Variants in KIAA1328 observed in about 807,000 individuals in gnomAD.
KIAA1328 encodes the protein KIAA1328.
KIAA1328 carries 52 observed loss-of-function variants against 68.1 expected under a neutral mutation model. That is an observed-to-expected ratio of 0.76 (90% CI 0.61 to 0.96). The LOEUF (loss-of-function observed/expected upper bound fraction) is 0.96, where lower values mean the gene tolerates loss of function less well. Among genes scored for constraint, KIAA1328 ranks in the 40% least tolerant of loss-of-function variants. The pLI, the probability that KIAA1328 is intolerant of heterozygous loss-of-function variation, is 0.00. For missense variants in KIAA1328, 641 were observed against 677.6 expected, an observed-to-expected ratio of 0.95 and a Z score of 0.60; for synonymous variants, 232 against 239.4, an observed-to-expected ratio of 0.97 and a Z score of 0.28.
intron 6 of KIAA1328, among the ~76,000 whole-genome samples, chr18:37,065,552 A>T (rs1556870416): frequency 6.6e-6 from 1 of 152,188 alleles, no homozygotes; most frequent in Non-Finnish European, 1.5e-5. Flanking sequence ...TTGGACTTGG[A>T]GGCCCTTTTT....
chr18:37,006,790 T>G (rs1372455969), intron 6 of KIAA1328, among the ~76,000 whole-genome samples: 1 of 152,142 alleles, frequency 6.6e-6, no homozygotes. Context: ...ACCTTCATTT[T>G]AAGAGGCAAT....
At chr18:37,190,751 A>G (rs1010000202) in intron 9 of KIAA1328, among the ~76,000 whole-genome samples, 1 of 152,156 alleles carries the variant, frequency 6.6e-6, no homozygotes, top group African/African-American at 2.4e-5. Flanking sequence ...TTTTGACCCA[A>G]ACAAGGGATG....
At chr18:37,213,967 A>C (rs1178794646) in intron 9 of KIAA1328, among the ~76,000 whole-genome samples, 1 of 152,180 alleles carries the variant, frequency 6.6e-6, no homozygotes, top group Admixed American at 6.5e-5. Flanking sequence ...GTGTCTGTTC[A>C]TATCCTTTGC....
intron 7 of KIAA1328, among the ~76,000 whole-genome samples, chr18:37,082,106 A>G (rs1599198481): frequency 6.6e-6 from 1 of 150,448 alleles, no homozygotes; most frequent in Admixed American, 6.6e-5. Context: ...CGCTTTTTAT[A>G]TATATATACT....
At chr18:36,914,686 C>T (rs1247373288) in intron 5 of KIAA1328, among the ~76,000 whole-genome samples, 2 of 152,094 alleles carry the variant, frequency 1.3e-5, no homozygotes, top group African/African-American at 2.4e-5. Flanking sequence ...TGCCACTGCA[C>T]TCCAGCCTGG....
At chr18:37,107,625 G>GT (rs1487023819) in intron 7 of KIAA1328, among the ~76,000 whole-genome samples, 1 of 152,134 alleles carries the variant, frequency 6.6e-6, no homozygotes, top group Non-Finnish European at 1.5e-5. Context: ...TGTGGCTATT[G>GT]TAAGTGGGAT....
intron 7 of KIAA1328, among the ~76,000 whole-genome samples, chr18:37,106,697 C>T (rs1331849320): frequency 1.3e-5 from 2 of 152,238 alleles, no homozygotes; most frequent in African/African-American, 2.4e-5. Flanking sequence ...CAGGCATAAG[C>T]CACTGCACCT....
intron 5 of KIAA1328, among the ~76,000 whole-genome samples, chr18:36,949,154 C>T (rs916091040): frequency 1.3e-5 from 2 of 152,048 alleles, no homozygotes; most frequent in Non-Finnish European, 2.9e-5. Flanking sequence ...TCTTGTAACC[C>T]ATGAAAGGCT....
At chr18:37,115,372 A>G (rs928918734) in intron 7 of KIAA1328, among the ~76,000 whole-genome samples, 1 of 152,222 alleles carries the variant, frequency 6.6e-6, no homozygotes, top group Non-Finnish European at 1.5e-5. Context: ...ACACAAATCA[A>G]TAAACGTAAT....
intron 1 of KIAA1328, chr18:36,829,566 T>C: frequency 1.9e-6 from 1 of 539,470 alleles, no homozygotes. Flanking sequence ...TAGCTCGAAG[T>C]TGAGGGAGGA....
At position 37,076,215 on chromosome 18, in the gene KIAA1328, A is replaced by C. The variant is rs572614250; in HGVS notation, c.1232+8670A>C. The stretch of plus-strand genomic sequence containing the variant: ...CACTCAACTACATGGAAACTGAACA[A>C]CCTGCTCCTGAATGACTACTGGGTA... On this transcript the variant is annotated intron_variant, in intron 7 of 9. Coordinates refer to ENST00000280020, the MANE Select transcript of KIAA1328 (RefSeq NM_020776.3). Among the ~76,000 whole-genome samples, 1,031 of 152,296 alleles carry C rather than the reference A, an allele frequency of 6.8e-3. 14 individuals carry two copies. Among genetic ancestry groups the C allele is most frequent in the African/African-American group, 0.023 (957 of 41,550 alleles).
rs183431858 is a variant in KIAA1328, at chr18:36,973,610, G to A, written c.576+14175G>A. Among the ~76,000 whole-genome samples, 92 of 152,032 alleles carry A rather than the reference G, an allele frequency of 6.1e-4. 1 individual carries two copies. Among genetic ancestry groups the A allele is most frequent in the Admixed American group, 4.5e-3 (69 of 15,272 alleles). ...CTATACACTCCATTTAAAATTGTGC[G>A]TACCCATTCTGAATCCTCATGTCAG... On this transcript the variant is annotated intron_variant, in intron 6 of 9. Transcript: ENST00000280020.
chr18:37,118,236 C>G (rs1201934961), intron 7 of KIAA1328, among the ~76,000 whole-genome samples: 1 of 152,008 alleles, frequency 6.6e-6, no homozygotes, highest in Non-Finnish European at 1.5e-5. Flanking sequence ...CTCAAGTGAT[C>G]CACCCGCCTC....
intron 3 of KIAA1328, among the ~76,000 whole-genome samples, chr18:36,840,278 T>TTTTTG (rs1451698703): frequency 6.6e-6 from 1 of 151,982 alleles, no homozygotes; most frequent in South Asian, 2.1e-4. Flanking sequence ...TTTTGTCAGG[T>TTTTTG]TTTTGTTTTG....
intron 6 of KIAA1328, among the ~76,000 whole-genome samples, chr18:36,979,098 A>G (rs964981397): frequency 3.3e-5 from 5 of 152,160 alleles, no homozygotes; most frequent in Admixed American, 6.5e-5. Flanking sequence ...GTTCAAGGCT[A>G]CAGTGAGCTA....
intron 6 of KIAA1328, among the ~76,000 whole-genome samples, chr18:36,995,956 AATG>A (rs1355504308): frequency 1.3e-5 from 2 of 152,208 alleles, no homozygotes; most frequent in Non-Finnish European, 2.9e-5. Flanking sequence ...CAGCAATAAT[AATG>A]ATTACTTTTG....
At chr18:36,936,119 T>G (rs2050490037) in intron 5 of KIAA1328, among the ~76,000 whole-genome samples, 1 of 151,970 alleles carries the variant, frequency 6.6e-6, no homozygotes, top group Non-Finnish European at 1.5e-5. Flanking sequence ...ATTGCTAGGG[T>G]TTTTTCTTTT....
chr18:36,965,369 A>G (rs1419641959), intron 6 of KIAA1328, among the ~76,000 whole-genome samples: 1 of 151,658 alleles, frequency 6.6e-6, no homozygotes, highest in Non-Finnish European at 1.5e-5. Flanking sequence ...ATTGCTTACT[A>G]CAAATTTAAT....
At chr18:37,066,708 T>C (rs773246890) in intron 6 of KIAA1328, among the ~76,000 whole-genome samples, 182 bp from the exon 7 acceptor site, 2 of 152,226 alleles carry the variant, frequency 1.3e-5, no homozygotes, top group African/African-American at 2.4e-5. Flanking sequence ...GTAGGTTGTT[T>C]GAAAATGGAT....
Sources: allele counts gnomAD v4.1 joint callset (sites outside exome capture counted in the v4.1 genomes callset), GRCh38; gene constraint gnomAD v4.1.1; transcripts MANE v1.5; gene names NCBI Gene and HGNC (gene_info 2026-07-23, HGNC 2026-07-21).